Variants in AK4 observed in about 807,000 individuals in gnomAD.
AK4 encodes the protein adenylate kinase 4.
AK4 carries 13 observed loss-of-function variants against 24.6 expected under a neutral mutation model. The ratio of observed to expected loss-of-function variants is 0.53; its 90% confidence interval spans 0.34 to 0.84. The LOEUF is 0.84. Ranked by LOEUF, AK4 falls within the 40% of genes least tolerant of loss-of-function variation. AK4 has a pLI of 0.01. For missense variants in AK4, 192 were observed against 288.2 expected, an observed-to-expected ratio of 0.67 and a Z score of 2.42; for synonymous variants, 88 against 107.0, an observed-to-expected ratio of 0.82 and a Z score of 1.10.
chr1:65,189,677 A>C (rs10651422), intron 1 of AK4, among the ~76,000 whole-genome samples: 44,079 of 150,760 alleles, frequency 0.29, 6,778 homozygotes, highest in East Asian at 0.51. Flanking sequence ...ACACACACAC[A>C]CCCCACACAT....
chr1:65,152,349 T>TA (rs1375824148), intron 1 of AK4, among the ~76,000 whole-genome samples: 1 of 44,950 alleles, frequency 2.2e-5, no homozygotes, highest in Non-Finnish European at 4.2e-5. Context: ...TCTCTCTCTC[T>TA]CTCTCTCTCT....
intron 1 of AK4, among the ~76,000 whole-genome samples, chr1:65,156,467 G>T (rs1402977605): frequency 6.6e-6 from 1 of 152,030 alleles, no homozygotes; most frequent in Non-Finnish European, 1.5e-5. Flanking sequence ...CTTTTAAAAA[G>T]ATATCTGCAT....
At chr1:65,224,080 A>T (rs1244882524) in intron 3 of AK4, among the ~76,000 whole-genome samples, 1 of 152,228 alleles carries the variant, frequency 6.6e-6, no homozygotes, top group Non-Finnish European at 1.5e-5. Flanking sequence ...GAAAGAAGCA[A>T]CACATAGGAA....
At chr1:65,187,270 C>A (rs1471822215) in intron 1 of AK4, among the ~76,000 whole-genome samples, 2 of 150,850 alleles carry the variant, frequency 1.3e-5, no homozygotes, top group Admixed American at 1.3e-4. Context: ...ATGGTGTGAA[C>A]CCAGGAGGCA....
intron 1 of AK4, among the ~76,000 whole-genome samples, chr1:65,171,194 CG>C (rs1650510000): frequency 7.0e-6 from 1 of 143,414 alleles, no homozygotes. Context: ...GTTCTGGGCT[CG>C]AGCAATCTGC....
At chr1:65,148,101 G>C (rs538412701), upstream of AK4, 2 of 381,750 alleles carry the variant, frequency 5.2e-6, no homozygotes, top group African/African-American at 4.2e-5. Context: ...AGGCCGAGTC[G>C]GCAGGGCGGG....
intron 1 of AK4, among the ~76,000 whole-genome samples, chr1:65,159,309 C>T (rs1023708959): frequency 6.6e-6 from 1 of 152,202 alleles, no homozygotes; most frequent in Non-Finnish European, 1.5e-5. Flanking sequence ...ATCTCCAGAG[C>T]AGTTTTTGTT....
chr1:65,169,383 G>C (rs1038218927), intron 1 of AK4, among the ~76,000 whole-genome samples: 5 of 152,078 alleles, frequency 3.3e-5, no homozygotes, highest in Non-Finnish European at 7.3e-5. Flanking sequence ...GTGATGCAAA[G>C]CTCAGAGAGG....
intron 2 of AK4, among the ~76,000 whole-genome samples, chr1:65,194,616 C>T (rs971203571): frequency 6.6e-6 from 1 of 152,202 alleles, no homozygotes; most frequent in African/African-American, 2.4e-5. Context: ...CATGTGCCAC[C>T]ATGCCCAGCT....
chr1:65,219,906 T>A (rs1652246563), intron 3 of AK4, among the ~76,000 whole-genome samples: 2 of 152,208 alleles, frequency 1.3e-5, no homozygotes, highest in Admixed American at 6.5e-5. Flanking sequence ...AATTCCTCCC[T>A]GATTTTCGCC....
intron 1 of AK4, among the ~76,000 whole-genome samples, chr1:65,172,623 T>A (rs76604385): frequency 0.1 from 15,638 of 152,006 alleles, 1,048 homozygotes; most frequent in Admixed American, 0.22. Context: ...GACGGAAACA[T>A]CCTCAGATAT....
chr1:65,222,551 T>C (rs1258009435), intron 3 of AK4, among the ~76,000 whole-genome samples: 2 of 152,168 alleles, frequency 1.3e-5, no homozygotes, highest in Admixed American at 6.5e-5. Context: ...GAAACAGGGT[T>C]GTATTTGCTG....
chr1:65,193,788 G>T (rs1240317266), intron 2 of AK4, among the ~76,000 whole-genome samples: 1 of 152,256 alleles, frequency 6.6e-6, no homozygotes, highest in African/African-American at 2.4e-5. Flanking sequence ...GGAACCCAGT[G>T]ATATGGAGGC....
intron 1 of AK4, among the ~76,000 whole-genome samples, chr1:65,182,387 A>G (rs1650940101): frequency 6.6e-6 from 1 of 152,156 alleles, no homozygotes; most frequent in Admixed American, 6.6e-5. Context: ...AAACAGGAGT[A>G]GCTCTCTCAT....
chr1:65,205,550 C>A (rs1255237021), intron 2 of AK4, among the ~76,000 whole-genome samples: 1 of 152,118 alleles, frequency 6.6e-6, no homozygotes, highest in African/African-American at 2.4e-5. Flanking sequence ...CCACCTGTTT[C>A]AAGGTGATTT....
At chr1:65,205,692 C>T (rs78205376) in intron 2 of AK4, among the ~76,000 whole-genome samples, 3 of 152,242 alleles carry the variant, frequency 2.0e-5, no homozygotes, top group Non-Finnish European at 4.4e-5. Context: ...TCAGTTCTTT[C>T]CTTTCAGGGA....
upstream of AK4, chr1:65,147,879 G>C (rs1649615304): frequency 6.6e-6 from 1 of 152,266 alleles, no homozygotes; most frequent in South Asian, 2.1e-4. Context: ...CCACGTGCGA[G>C]GACCGGGCAG....
chr1:65,190,300 G>A (rs1215066901), intron 1 of AK4, among the ~76,000 whole-genome samples: 6 of 150,878 alleles, frequency 4.0e-5, no homozygotes, highest in African/African-American at 7.3e-5. Flanking sequence ...TGTTGCCCAG[G>A]CTGGCATTCA....
intron 2 of AK4, among the ~76,000 whole-genome samples, chr1:65,201,336 C>T (rs1393633610): frequency 1.3e-5 from 2 of 152,050 alleles, no homozygotes; most frequent in South Asian, 2.1e-4. Flanking sequence ...CAGTGTTTTT[C>T]TTCTGATTGA....
Sources: gnomAD v4.1 joint callset for allele counts (sites outside exome capture counted in the v4.1 genomes callset) on GRCh38, gnomAD v4.1.1 for gene constraint, MANE v1.5 for transcripts, NCBI Gene and HGNC (gene_info 2026-07-23, HGNC 2026-07-21) for gene names.